The following PRR16 variants were observed in gnomAD, a reference collection of about 807,000 sequenced individuals.
PRR16 encodes the protein protein Largen.
Under a neutral mutation model 18.2 loss-of-function variants are expected in PRR16, and 6 were observed. That is an observed-to-expected ratio of 0.33 (90% CI 0.18 to 0.65). The LOEUF (loss-of-function observed/expected upper bound fraction) is 0.65. PRR16 is among the 30% of genes least tolerant of loss of function. The pLI is 0.74. For missense variants in PRR16, 412 were observed against 376.6 expected (o/e 1.09, Z -0.78); for synonymous variants, 151 against 147.8 (o/e 1.02, Z -0.16).
At chr5:120,541,047 A>T (rs1298987341) in intron 1 of PRR16, among the ~76,000 whole-genome samples, 1 of 152,196 alleles carries the variant, frequency 6.6e-6, no homozygotes, top group Admixed American at 6.5e-5. Flanking sequence ...GATTCTTTAG[A>T]GGTCTTATAA....
intron 1 of PRR16, among the ~76,000 whole-genome samples, chr5:120,536,111 G>C (rs1751708628): frequency 6.6e-6 from 1 of 152,128 alleles, no homozygotes. Context: ...ACATCAACTA[G>C]TGCTGGTGTT....
chr5:120,535,290 A>T (rs771994097), intron 1 of PRR16, among the ~76,000 whole-genome samples: 4 of 152,230 alleles, frequency 2.6e-5, no homozygotes, highest in Non-Finnish European at 5.9e-5. Context: ...GAATTTGTAC[A>T]GTTAGTAATT....
rs755613462 is a variant in PRR16 at position 120,686,675 on chromosome 5, C to T, written c.881C>T (p.Thr294Met). The change falls in exon 2 of 2, where the codon ACG (threonine) becomes ATG (methionine). Residue 294 changes from threonine to methionine, a missense_variant. Thr to Met is a moderately conservative substitution (Grantham distance 81). Transcript: ENST00000407149. Reference sequence around the variant, plus strand: ...CCCACTGCACCAAAACCACAGAAGACGATCTTGAGGAAGTCAACCACTACA... The same window carrying T: ...CCCACTGCACCAAAACCACAGAAGATGATCTTGAGGAAGTCAACCACTACA... ...PPPTAPKPQKTILRKSTTTTV is the reference protein window; with the variant it reads ...PPPTAPKPQKMILRKSTTTTV The T allele has an allele frequency of 4.5e-6, 7 of 1,565,174 alleles. No individual in the cohort carries two copies. The highest frequency in any genetic ancestry group is 3.7e-5 in the Admixed American group (2 of 54,338).
At chr5:120,629,637 A>G (rs76538517) in intron 1 of PRR16, among the ~76,000 whole-genome samples, 7,011 of 152,118 alleles carry the variant, frequency 0.046, 438 homozygotes, top group African/African-American at 0.13. Flanking sequence ...ATGCTTTCCA[A>G]TTTCTTGGCT....
At chr5:120,552,227 A>G (rs1752276659) in intron 1 of PRR16, among the ~76,000 whole-genome samples, 1 of 151,922 alleles carries the variant, frequency 6.6e-6, no homozygotes, top group African/African-American at 2.4e-5. Context: ...TGACACGGTT[A>G]AAAAGACATT....
chr5:120,679,533 A>C (rs1387718261), intron 1 of PRR16, among the ~76,000 whole-genome samples: 1 of 152,170 alleles, frequency 6.6e-6, no homozygotes, highest in African/African-American at 2.4e-5. Context: ...ACTTGGCTGT[A>C]ATAAAATCTA....
intron 1 of PRR16, among the ~76,000 whole-genome samples, chr5:120,572,633 A>C (rs1319276638): frequency 6.6e-6 from 1 of 152,114 alleles, no homozygotes; most frequent in African/African-American, 2.4e-5. Context: ...TAATGGGACT[A>C]CATGAGTTTC....
intron 1 of PRR16, among the ~76,000 whole-genome samples, chr5:120,569,226 C>T (rs1185576365): frequency 6.6e-6 from 1 of 152,092 alleles, no homozygotes; most frequent in African/African-American, 2.4e-5. Context: ...AAGTATTAAG[C>T]CATGTTTTAA....
chr5:120,468,477 AAAG>A (rs1221436022), intron 1 of PRR16, among the ~76,000 whole-genome samples: 5 of 152,332 alleles, frequency 3.3e-5, no homozygotes, highest in Admixed American at 1.3e-4. Flanking sequence ...CATTGAAAAA[AAAG>A]AAGAAAATAG....
chr5:120,493,853 T>G (rs865955472), intron 1 of PRR16, among the ~76,000 whole-genome samples: 62 of 152,272 alleles, frequency 4.1e-4, no homozygotes, highest in African/African-American at 1.4e-3. Flanking sequence ...CAGGTTATGA[T>G]GTGTATCTAT....
chr5:120,577,570 T>C lies in PRR16; in HGVS notation c.160-108384T>C, dbSNP rs149461291. Among the ~76,000 whole-genome samples the C allele has an allele frequency of 6.1e-3, 926 of 152,268 alleles. 27 individuals are homozygous for C. The highest frequency in any genetic ancestry group is 0.046 in the Admixed American group (705 of 15,270). On this transcript the variant is annotated intron_variant, in intron 1 of 1. Transcript: ENST00000407149. ...TTCACAAACACTACCTCTTAGGAGT[T>C]TGGCAAATCTTTTTGCACAAGTCAA...
the PRR16 span, among the ~76,000 whole-genome samples, chr5:120,761,744 T>A: frequency 2.0e-5 from 3 of 152,124 alleles, no homozygotes; most frequent in African/African-American, 7.2e-5. Flanking sequence ...CTTCTAGCTA[T>A]TTTAAAATAC....
At chr5:120,487,443 CTGTT>C (rs1314460973) in intron 1 of PRR16, among the ~76,000 whole-genome samples, 12 of 152,244 alleles carry the variant, frequency 7.9e-5, no homozygotes, top group African/African-American at 1.2e-4. Flanking sequence ...GTTTGGCTCT[CTGTT>C]TGTCTGTTAT....
the PRR16 span, among the ~76,000 whole-genome samples, chr5:120,783,842 A>G: frequency 6.6e-6 from 1 of 152,074 alleles, no homozygotes; most frequent in Non-Finnish European, 1.5e-5. Context: ...TTTTGTACCC[A>G]TTTACCAACC....
the PRR16 span, among the ~76,000 whole-genome samples, chr5:120,775,168 T>C: frequency 3.3e-5 from 5 of 152,190 alleles, no homozygotes; most frequent in African/African-American, 1.2e-4. Flanking sequence ...GACTTTCCAC[T>C]TTAACCAACA....
chr5:120,570,874 A>C (rs1752883961), intron 1 of PRR16, among the ~76,000 whole-genome samples: 1 of 152,190 alleles, frequency 6.6e-6, no homozygotes, highest in Admixed American at 6.5e-5. Context: ...GTTCTTAAAG[A>C]AGAATATGAA....
At chr5:120,671,308 G>A (rs371933682) in intron 1 of PRR16, among the ~76,000 whole-genome samples, 1 of 151,378 alleles carries the variant, frequency 6.6e-6, no homozygotes, top group Middle Eastern at 3.4e-3. Context: ...TAAAAAAATT[G>A]CAAAGTACAG....
At chr5:120,698,789 G>A in the PRR16 span, among the ~76,000 whole-genome samples, 106 of 152,210 alleles carry the variant, frequency 7.0e-4, 1 homozygote, top group African/African-American at 2.4e-3. Flanking sequence ...GGTGAGGTGT[G>A]TTTTTAAAAG....
intron 1 of PRR16, among the ~76,000 whole-genome samples, chr5:120,543,317 C>T (rs1194341834): frequency 6.6e-6 from 1 of 152,004 alleles, no homozygotes; most frequent in Non-Finnish European, 1.5e-5. Context: ...ATTTGGTGAG[C>T]ATATCGTGGG....
Sources: allele counts gnomAD v4.1 joint callset (sites outside exome capture counted in the v4.1 genomes callset), GRCh38; gene constraint gnomAD v4.1.1; transcripts MANE v1.5; gene names NCBI Gene and HGNC (gene_info 2026-07-23, HGNC 2026-07-21).